Variants in ATP11A observed in about 807,000 individuals in gnomAD.
The protein encoded by ATP11A is ATPase phospholipid transporting 11A.
Under a neutral mutation model 154.4 loss-of-function variants are expected in ATP11A, and 81 were observed. The observed-to-expected ratio is 0.52, with a 90% confidence interval of 0.44 to 0.63. ATP11A has a LOEUF of 0.63. ATP11A is among the 30% of genes least tolerant of loss of function. ATP11A has a pLI of 0.00. For missense variants in ATP11A, 1,316 were observed against 1,474.3 expected, an observed-to-expected ratio of 0.89 and a Z score of 1.76; for synonymous variants, 623 against 585.9, an observed-to-expected ratio of 1.06 and a Z score of -0.91.
intron 29 of ATP11A, 46 bp downstream of exon 29, chr13:112,878,349 G>A: frequency 6.3e-7 from 1 of 1,593,626 alleles, no homozygotes; most frequent in South Asian, 1.1e-5. Context: ...TAGACACGGG[G>A]CAGCAGGGCC....
chr13:112,761,633 C>T (rs77208498), intron 1 of ATP11A, among the ~76,000 whole-genome samples: 1 of 51,812 alleles, frequency 1.9e-5, no homozygotes, highest in African/African-American at 5.1e-5. Flanking sequence ...ATTCAGGAGT[C>T]CCCTGGGGTC....
intron 1 of ATP11A, among the ~76,000 whole-genome samples, chr13:112,756,948 G>A (rs2076855351): frequency 6.6e-6 from 1 of 152,200 alleles, no homozygotes; most frequent in African/African-American, 2.4e-5. Context: ...TAATTTACTA[G>A]TTGAAATTGT....
intron 17 of ATP11A, among the ~76,000 whole-genome samples, chr13:112,849,619 G>T (rs140865039): frequency 6.6e-6 from 1 of 152,122 alleles, no homozygotes; most frequent in Non-Finnish European, 1.5e-5. Context: ...TCTGCAATTC[G>T]CATTTATGTC....
chr13:112,800,333 G>A (rs117603259), intron 2 of ATP11A, among the ~76,000 whole-genome samples: 315 of 152,158 alleles, frequency 2.1e-3, no homozygotes, highest in African/African-American at 6.4e-3. Flanking sequence ...CTGGTAACAT[G>A]GCTAATAAAA....
At chr13:112,769,189 C>G (rs1315493468) in intron 1 of ATP11A, among the ~76,000 whole-genome samples, 1 of 152,200 alleles carries the variant, frequency 6.6e-6, no homozygotes, top group African/African-American at 2.4e-5. Context: ...ACTTGCCTTT[C>G]TCTTCTTGAG....
At chr13:112,798,578 C>T (rs940866393) in intron 2 of ATP11A, among the ~76,000 whole-genome samples, 3 of 152,220 alleles carry the variant, frequency 2.0e-5, no homozygotes, top group Non-Finnish European at 4.4e-5. Flanking sequence ...TGCGAGGAAT[C>T]TGCGCCACAC....
chr13:112,819,841 C>T (rs373016945), intron 7 of ATP11A, 59 bp from the exon 8 acceptor site: 65 of 1,592,764 alleles, frequency 4.1e-5, no homozygotes, highest in Admixed American at 1.8e-4. Context: ...GGGCCAGGCG[C>T]GCGCTTCCCG....
chr13:112,825,763 C>G (rs1200991339), intron 11 of ATP11A, among the ~76,000 whole-genome samples, 183 bp downstream of exon 11: 1 of 152,166 alleles, frequency 6.6e-6, no homozygotes, highest in African/African-American at 2.4e-5. Context: ...GCTGCTCCTG[C>G]CATCTTTGGA....
intron 1 of ATP11A, among the ~76,000 whole-genome samples, chr13:112,691,132 C>G (rs1885111300): frequency 1.3e-5 from 2 of 152,020 alleles, no homozygotes; most frequent in African/African-American, 4.8e-5. Context: ...TGTTTTACAC[C>G]AGAGGAGGGG....
At chr13:112,730,278 A>G (rs1444869140) in intron 1 of ATP11A, among the ~76,000 whole-genome samples, 1 of 152,156 alleles carries the variant, frequency 6.6e-6, no homozygotes, top group East Asian at 1.9e-4. Context: ...CGATGCTGTT[A>G]TCTTTATTTG....
intron 6 of ATP11A, among the ~76,000 whole-genome samples, chr13:112,819,023 A>G (rs911380626): frequency 2.0e-5 from 3 of 152,238 alleles, no homozygotes; most frequent in Admixed American, 6.5e-5. Context: ...AATAGCTACT[A>G]CTATGACAGA....
intron 1 of ATP11A, among the ~76,000 whole-genome samples, chr13:112,775,650 G>T (rs12877172): frequency 0.066 from 10,039 of 152,270 alleles, 424 homozygotes; most frequent in Middle Eastern, 0.11. Context: ...GTTAACATTT[G>T]TGAGATCTGG....
intron 1 of ATP11A, among the ~76,000 whole-genome samples, chr13:112,767,487 G>A (rs1383458242): frequency 2.9e-5 from 4 of 137,270 alleles, no homozygotes; most frequent in East Asian, 4.3e-4. Context: ...GGGAGCCCCC[G>A]TGGAAAGGTG....
rs1024918160 is a variant in ATP11A, at chr13:112,882,746, C to T, written c.*880C>T. ...TGTCCATCAGCCACTCGCCAGGGCA[C>T]GGAGCCGTCAGTCCACTGTTACGGG... On this transcript the variant is annotated 3_prime_UTR_variant, in exon 30 of 30. Transcript: ENST00000375645. This position sits in a 1 kb window ranked among gnomAD's most constrained non-coding sequence, Gnocchi z 5.1. 19 of 399,760 alleles carry T rather than the reference C, an allele frequency of 4.8e-5. No homozygotes were observed. Among genetic ancestry groups the T allele is most frequent in the Non-Finnish European group, 7.5e-5 (17 of 227,102 alleles). The allele number at this position is 399,760 out of a possible 1,614,324, so 24.8% of individuals were successfully genotyped here. A position where few individuals can be genotyped will look rare whatever the true frequency, so the allele number is the denominator to read the frequency against.
chr13:112,792,776 G>C (rs2077895714), intron 2 of ATP11A, among the ~76,000 whole-genome samples: 1 of 152,192 alleles, frequency 6.6e-6, no homozygotes, highest in South Asian at 2.1e-4. Context: ...GGGGAATCCT[G>C]AACTCCACAA....
rs4907760 is a variant in ATP11A at position 112,768,394 on chromosome 13, T to C, written c.40-16741T>C. ...CATCCCTATGGTGGAGTCTCAGCTTTGGGGATCCAGGGTGCCTGCCGGATT... is the reference window on the plus strand; with the variant it reads ...CATCCCTATGGTGGAGTCTCAGCTTCGGGGATCCAGGGTGCCTGCCGGATT... On this transcript the variant is annotated intron_variant, in intron 1 of 29. Coordinates refer to ENST00000375645, the MANE Select transcript of ATP11A (RefSeq NM_015205.3). Among the ~76,000 whole-genome samples the C allele has an allele frequency of 5.4e-3, 826 of 152,348 alleles. 8 individuals are homozygous for C. Among genetic ancestry groups the C allele is most frequent in the African/African-American group, 0.018 (743 of 41,580 alleles).
intron 2 of ATP11A, among the ~76,000 whole-genome samples, chr13:112,790,007 T>C (rs956787660): frequency 1.4e-5 from 2 of 143,882 alleles, no homozygotes; most frequent in African/African-American, 2.6e-5. Flanking sequence ...TCTACTTAAT[T>C]CACACCCAGC....
At chr13:112,779,922 AAAAG>A in intron 1 of ATP11A, among the ~76,000 whole-genome samples, 1 of 152,228 alleles carries the variant, frequency 6.6e-6, no homozygotes, top group South Asian at 2.1e-4. Context: ...AGAAAAAAAA[AAAAG>A]AATGACATTT....
At chr13:112,813,427 G>A (rs2078559934) in intron 5 of ATP11A, among the ~76,000 whole-genome samples, 1 of 152,172 alleles carries the variant, frequency 6.6e-6, no homozygotes, top group Non-Finnish European at 1.5e-5. Context: ...GATTCACGAA[G>A]TCTGTGCACC....
Sources: gnomAD v4.1 joint callset for allele counts (sites outside exome capture counted in the v4.1 genomes callset) on GRCh38, gnomAD v4.1.1 for gene constraint, Gnocchi (gnomAD v3.1) non-coding constraint, MANE v1.5 for transcripts, NCBI Gene and HGNC (gene_info 2026-07-23, HGNC 2026-07-21) for gene names.